The following HTR3A variants were observed in gnomAD, a reference collection of about 807,000 sequenced individuals.
HTR3A encodes 5-hydroxytryptamine receptor 3A, also known as 5-hydroxytryptamine (serotonin) receptor 3A, ionotropic.
In HTR3A, 45 loss-of-function variants were observed where a neutral mutation model predicts 54.8. The ratio of observed to expected loss-of-function variants is 0.82; its 90% CI spans 0.65 to 1.05. The LOEUF is 1.05. Ranked by LOEUF, HTR3A falls within the 50% of genes least tolerant of loss-of-function variation. HTR3A has a pLI of 0.00. For missense variants in HTR3A, 657 were observed against 614.0 expected (o/e 1.07, Z -0.74); for synonymous variants, 297 against 256.0 (o/e 1.16, Z -1.53).
chr11:113,975,455 G>A, intron 1 of HTR3A, 63 bp downstream of exon 1: 1 of 1,388,658 alleles, frequency 7.2e-7, no homozygotes, highest in East Asian at 2.3e-5. Context: ...GGCAGGGGAT[G>A]CTTCAGTCCT....
In HTR3A at chr11:113,989,198, GAAA is replaced by G. The variant is rs11325987; in HGVS notation, c.1139-254_1139-252del. 2.1e-5 allele frequency among the ~76,000 whole-genome samples: 3 copies of G among 144,436 alleles called. No homozygotes were observed. The highest frequency in any genetic ancestry group is 1.5e-5 in the Non-Finnish European group (1 of 66,030). The allele number at this position is 144,436 out of a possible 152,430, so 94.8% of individuals were successfully genotyped here. ...AACGTGGTGAAATCCAGTTTCTATT[GAAA>G]AAAAAAAAAAAATTAGCCAGGTGTA... On this transcript the variant is annotated intron_variant, in intron 8 of 8. Coordinates refer to ENST00000504030, the MANE Select transcript of HTR3A (RefSeq NM_000869.6). This position sits in a 1 kb window ranked among gnomAD's most constrained non-coding sequence, Gnocchi z 4.4.
intron 3 of HTR3A, among the ~76,000 whole-genome samples, chr11:113,979,891 G>C (rs556705627): frequency 6.6e-6 from 1 of 152,276 alleles, no homozygotes; most frequent in East Asian, 1.9e-4. Flanking sequence ...TAAAGTGGCT[G>C]AACACACGGA....
At chr11:113,979,309 A>G (rs1196925474) in intron 3 of HTR3A, 32 bp downstream of exon 3, 33 of 1,558,616 alleles carry the variant, frequency 2.1e-5, no homozygotes, top group Non-Finnish European at 2.9e-5. Context: ...TGCCCCCGTT[A>G]CCCATCCTCC....
Position 113,983,522 on chromosome 11 carries a change from C to A in HTR3A, c.544+233C>A, listed in dbSNP as rs186174042. On this transcript the variant is annotated intron_variant, in intron 5 of 8. Coordinates refer to ENST00000504030, the MANE Select transcript of HTR3A (RefSeq NM_000869.6). The stretch of plus-strand genomic sequence containing the variant: ...TATAGCACAGTATATTTTTCCAGAT[C>A]CTTCTCTACACATTTACATTCACAC... 6.4e-4 allele frequency among the ~76,000 whole-genome samples: 98 copies of A among 152,282 alleles called. 1 individual carries two copies. The highest frequency in any genetic ancestry group is 6.8e-3 in the Middle Eastern group (2 of 294).
In HTR3A at chr11:113,983,274, A is replaced by G. The variant is rs1436522441; in HGVS notation, c.529A>G (p.Ser177Gly). ...CCAGAACTGCTCGCTGACCTTCACCAGTTGGCTGCACACCAGTGAGTATGT... is the reference window on the plus strand; with the variant it reads ...CCAGAACTGCTCGCTGACCTTCACCGGTTGGCTGCACACCAGTGAGTATGT... ...DVQNCSLTFT[S>G]WLHTIQDINI... The change falls in exon 5 of 9, where the codon AGT becomes GGT. Residue 177 changes from serine to glycine, a missense_variant. Physicochemically the swap from Ser to Gly is moderately conservative, Grantham distance 56. Coordinates refer to ENST00000504030, the MANE Select transcript of HTR3A (RefSeq NM_000869.6). The G allele has an allele frequency of 6.2e-7, 1 of 1,614,068 alleles. No individual in the cohort carries two copies. Among genetic ancestry groups the G allele is most frequent in the South Asian group, 1.1e-5 (1 of 91,082 alleles).
intron 5 of HTR3A, among the ~76,000 whole-genome samples, 153 bp from the exon 6 acceptor site, chr11:113,985,862 G>A (rs1950483500): frequency 6.6e-6 from 1 of 152,132 alleles, no homozygotes; most frequent in South Asian, 2.1e-4. Flanking sequence ...TTATAGCTGA[G>A]GACACTGAGG....
At chr11:113,977,395 T>G in intron 1 of HTR3A, 1 of 653,678 alleles carries the variant, frequency 1.5e-6, no homozygotes. Context: ...GCTTTTAGTA[T>G]CATACCCTGA....
intron 3 of HTR3A, among the ~76,000 whole-genome samples, chr11:113,980,544 G>C (rs1327662296): frequency 1.3e-5 from 2 of 152,240 alleles, no homozygotes; most frequent in Non-Finnish European, 2.9e-5. Context: ...TGGTAAAGAA[G>C]ATAGGGGAGA....
intron 4 of HTR3A, among the ~76,000 whole-genome samples, chr11:113,982,849 A>T (rs930643961): frequency 1.3e-5 from 2 of 152,110 alleles, no homozygotes; most frequent in African/African-American, 4.8e-5. Context: ...TTTTGGGCCC[A>T]TGGGTTTTCC....
Position 113,986,618 on chromosome 11 carries a change from A to G in HTR3A, c.806A>G (p.Asn269Ser). 1.2e-6 allele frequency: 2 copies of G among 1,613,868 alleles called. No homozygotes were observed. The highest frequency in any genetic ancestry group is 1.1e-5 in the South Asian group (1 of 91,078). Reference sequence around the variant, plus strand: ...ATCGTGGGCTTCTACCTGCCCCCCAACAGTGGCGAGAGGGTCTCTTTCAAG... The same window carrying G: ...ATCGTGGGCTTCTACCTGCCCCCCAGCAGTGGCGAGAGGGTCTCTTTCAAG... Reference protein sequence around the residue: ...MDIVGFYLPPNSGERVSFKIT... With the variant: ...MDIVGFYLPPSSGERVSFKIT... Residue 269 changes from asparagine (N) to serine (S), a missense_variant, in exon 7 of 9, where the codon AAC (asparagine) becomes AGC (serine). Asn to Ser is a conservative substitution (Grantham distance 46). Transcript: ENST00000504030.
In HTR3A at chr11:113,981,124, G is replaced by T. The variant is rs1394671442; in HGVS notation, c.265-79G>T. On this transcript the variant is annotated intron_variant, in intron 3 of 8. Transcript: ENST00000504030. Reference sequence around the variant, plus strand: ...CCCACCTGTTGCCTGGGCACTGAGGGTGAAGTCTGCCTGAGTTGCAGGCGA... The same window carrying T: ...CCCACCTGTTGCCTGGGCACTGAGGTTGAAGTCTGCCTGAGTTGCAGGCGA... 1.7e-5 allele frequency: 15 copies of T among 875,484 alleles called. No homozygotes were observed. In the East Asian group the frequency reaches 3.2e-4, roughly 18 times the overall value. 54.2% of individuals were successfully genotyped at this position (875,484 alleles called of 1,614,324 possible). A position where few individuals can be genotyped will look rare whatever the true frequency, so the allele number is the denominator to read the frequency against.
At chr11:113,986,392 CTGT>C in intron 6 of HTR3A, 123 bp from the exon 7 acceptor site, 1 of 1,182,732 alleles carries the variant, frequency 8.5e-7, no homozygotes, top group Non-Finnish European at 1.2e-6. Context: ...GGGGGTCTGT[CTGT>C]TTTCTTCTCT....
Position 113,989,683 on chromosome 11 carries a change from C to T in HTR3A, c.1357C>T (p.Leu453=). 1 of 1,614,166 alleles carries T rather than the reference C, an allele frequency of 6.2e-7. No individual in the cohort carries two copies. The change falls in exon 9 of 9, where the codon CTA becomes TTA. Residue 453 remains leucine (L), a synonymous_variant. Transcript: ENST00000504030. This position sits in a 1 kb window ranked among gnomAD's most constrained non-coding sequence, Gnocchi z 4.4. ...CGTGGGCTCCGTGCTGGACAAGCTG[C>T]TATTCCACATTTACCTGCTAGCGGT... The part of the protein sequence containing the change: ...LRVGSVLDKL[L]FHIYLLAVLA...
Position 113,975,223 on chromosome 11 carries a change from G to T in HTR3A, c.-103G>T. 1 of 1,121,016 alleles carries T rather than the reference G, an allele frequency of 8.9e-7. No homozygotes were observed. The highest frequency in any genetic ancestry group is 2.4e-5 in the East Asian group (1 of 41,084). 69.4% of individuals were successfully genotyped at this position (1,121,016 alleles called of 1,614,324 possible). A position where few individuals can be genotyped will look rare whatever the true frequency, so the allele number is the denominator to read the frequency against. On this transcript the variant is annotated 5_prime_UTR_variant, in exon 1 of 9. Transcript: ENST00000504030. ...AAGGTGTGAGCAGTGGCCACGAGAG[G>T]CAGGCTGGCTGGGACATGAGGTTGG...
In HTR3A at chr11:113,986,243, T is replaced by A. The variant is rs894694817; in HGVS notation, c.705+68T>A. The A allele has an allele frequency of 1.3e-5, 21 of 1,588,318 alleles. No individual in the cohort carries two copies. The Admixed American group carries it at 3.0e-4, about 23-fold the overall frequency. On this transcript the variant is annotated intron_variant, in intron 6 of 8. Transcript: ENST00000504030. ...ACATCCAGGTAGACTTAAGGAGGCATACTGGGAGAACTTCTATAGCCTTTT... is the reference window on the plus strand; with the variant it reads ...ACATCCAGGTAGACTTAAGGAGGCAAACTGGGAGAACTTCTATAGCCTTTT...
chr11:113,979,180 G>C (rs535630233), intron 2 of HTR3A, 53 bp from the exon 3 acceptor site: 3 of 1,384,780 alleles, frequency 2.2e-6, no homozygotes, highest in East Asian at 2.3e-5. Context: ...GCATGTGCAG[G>C]GTGGCCCTCC....
chr11:113,987,002 G>A lies in HTR3A; in HGVS notation c.1094G>A (p.Arg365Lys). The stretch of plus-strand genomic sequence containing the variant: ...CTGAGGGAGCAGTCAACTTCCCAGA[G>A]GCCCCCAGCCACCTCCCAAGCCACC... ...LCLREQSTSQ[R>K]PPATSQATKT... Residue 365 changes from arginine (R) to lysine (K), a missense_variant, in exon 8 of 9, where the codon AGG becomes AAG. Coordinates refer to ENST00000504030, the MANE Select transcript of HTR3A (RefSeq NM_000869.6). The A allele has an allele frequency of 6.2e-7, 1 of 1,613,956 alleles. No individual in the cohort carries two copies.
chr11:113,987,531 G>C (rs553842690), intron 8 of HTR3A, among the ~76,000 whole-genome samples: 3 of 151,788 alleles, frequency 2.0e-5, no homozygotes, highest in Non-Finnish European at 4.4e-5. Flanking sequence ...CCAGGAGTTC[G>C]AGACCAGCCT....
intron 4 of HTR3A, among the ~76,000 whole-genome samples, chr11:113,982,622 T>C (rs184243440): frequency 6.6e-5 from 10 of 152,350 alleles, no homozygotes; most frequent in Admixed American, 6.5e-4. Flanking sequence ...TATCCATTTC[T>C]CTAGCTCCTT....
Sources: allele counts gnomAD v4.1 joint callset (sites outside exome capture counted in the v4.1 genomes callset), GRCh38; gene constraint gnomAD v4.1.1; non-coding constraint Gnocchi (gnomAD v3.1); transcripts MANE v1.5; gene names NCBI Gene and HGNC (gene_info 2026-07-23, HGNC 2026-07-21).